NEK11: variants seen among roughly 807,000 people sequenced by gnomAD.
NEK11 encodes the protein serine/threonine-protein kinase Nek11.
In NEK11, 72 loss-of-function variants were observed where a neutral mutation model predicts 80.7. The ratio of observed to expected loss-of-function variants is 0.89; its 90% confidence interval spans 0.74 to 1.08. The LOEUF is 1.08. NEK11 is among the 50% of genes least tolerant of loss of function. The pLI, the probability that NEK11 is intolerant of heterozygous loss-of-function variation, is 0.00. For synonymous variants in NEK11, 251 were observed against 260.7 expected (o/e 0.96, Z 0.36); for missense variants, 764 against 763.6 (o/e 1.00, Z -0.01).
At chr3:131,066,484 A>G (rs910407632) in intron 3 of NEK11, among the ~76,000 whole-genome samples, 1 of 152,092 alleles carries the variant, frequency 6.6e-6, no homozygotes, top group Non-Finnish European at 1.5e-5. Flanking sequence ...CTTTGACTTC[A>G]TAAACTCAGA....
chr3:131,337,578 C>A (rs1388997799), intron 17 of NEK11, among the ~76,000 whole-genome samples: 2 of 151,624 alleles, frequency 1.3e-5, no homozygotes, highest in Non-Finnish European at 2.9e-5. Context: ...AACTAACCTG[C>A]ACATTGTGCA....
intron 5 of NEK11, among the ~76,000 whole-genome samples, chr3:131,125,353 C>G (rs1284079593): frequency 6.6e-6 from 1 of 152,108 alleles, no homozygotes; most frequent in Non-Finnish European, 1.5e-5. Context: ...CTTGTACTAT[C>G]ATTAATTCTA....
In NEK11 at chr3:131,055,679, A is replaced by G. The variant is rs115713350; in HGVS notation, c.171-24744A>G. 3.3e-3 allele frequency among the ~76,000 whole-genome samples: 507 copies of G among 152,326 alleles called. 1 individual carries two copies. The highest frequency in any genetic ancestry group is 0.012 in the African/African-American group (481 of 41,578). On this transcript the variant is annotated intron_variant, in intron 3 of 17. Transcript: ENST00000383366. ...CAGAAGTTTGAGGCTACAGCAAACT[A>G]TGATTGCACCACTGCGCTCCAACCC...
intron 17 of NEK11, among the ~76,000 whole-genome samples, chr3:131,323,183 T>C (rs2096914231): frequency 6.6e-6 from 1 of 152,126 alleles, no homozygotes; most frequent in Non-Finnish European, 1.5e-5. Flanking sequence ...AACCCCACCT[T>C]AACGAGGAAT....
intron 7 of NEK11, among the ~76,000 whole-genome samples, chr3:131,138,839 A>G (rs111449001): frequency 1.1e-3 from 172 of 152,304 alleles, no homozygotes; most frequent in African/African-American, 1.9e-3. Context: ...GGTGGCCCCA[A>G]TGCAGATGTA....
intron 17 of NEK11, among the ~76,000 whole-genome samples, chr3:131,331,656 C>T (rs909018495): frequency 1.3e-5 from 2 of 152,200 alleles, no homozygotes; most frequent in African/African-American, 2.4e-5. Context: ...GCAGGGCGAG[C>T]AAGGCATTGC....
chr3:131,123,725 T>C (rs1265317167), intron 5 of NEK11, among the ~76,000 whole-genome samples: 1 of 151,996 alleles, frequency 6.6e-6, no homozygotes, highest in Non-Finnish European at 1.5e-5. Flanking sequence ...AATGTTTTAC[T>C]TACTCCAAAG....
chr3:131,295,275 G>A lies in NEK11; in HGVS notation c.1718+21701G>A, dbSNP rs149492390. On this transcript the variant is annotated intron_variant, in intron 17 of 17. Coordinates refer to ENST00000383366, the MANE Select transcript of NEK11 (RefSeq NM_024800.5). ...CCCTTATCTGAAATGCTTAGGACCA[G>A]AAGTTGTTTCAGATTTGGGATTTTT... 1.9e-3 allele frequency among the ~76,000 whole-genome samples: 281 copies of A among 151,814 alleles called. 1 individual carries two copies. The highest frequency in any genetic ancestry group is 6.4e-3 in the African/African-American group (266 of 41,478).
intron 17 of NEK11, among the ~76,000 whole-genome samples, chr3:131,334,640 A>T (rs1193029844): frequency 1.3e-5 from 2 of 152,058 alleles, no homozygotes; most frequent in Non-Finnish European, 2.9e-5. Context: ...AAGGAAATAG[A>T]GACACAAAAA....
chr3:131,243,288 T>C (rs1361066841), intron 15 of NEK11, 148 bp from the exon 16 acceptor site: 2 of 627,372 alleles, frequency 3.2e-6, no homozygotes, highest in East Asian at 5.6e-5. Context: ...TACATAAAGT[T>C]ATTTTTCTTT....
intron 14 of NEK11, among the ~76,000 whole-genome samples, chr3:131,207,220 T>G (rs545812101): frequency 1.3e-5 from 2 of 152,326 alleles, no homozygotes; most frequent in East Asian, 3.9e-4. Context: ...TTTCTAGTTC[T>G]AGATCCTTGA....
At chr3:131,180,410 T>G (rs1161674458) in intron 14 of NEK11, among the ~76,000 whole-genome samples, 1 of 152,182 alleles carries the variant, frequency 6.6e-6, no homozygotes, top group Non-Finnish European at 1.5e-5. Flanking sequence ...AACAAATACC[T>G]TTATTCTTTT....
At chr3:131,108,280 G>T (rs1007152306) in intron 4 of NEK11, among the ~76,000 whole-genome samples, 7 of 152,080 alleles carry the variant, frequency 4.6e-5, no homozygotes, top group African/African-American at 1.7e-4. Context: ...CTTTTGGATT[G>T]TCTCATTGCC....
chr3:131,266,692 G>C (rs2096066029), intron 16 of NEK11, among the ~76,000 whole-genome samples: 1 of 152,188 alleles, frequency 6.6e-6, no homozygotes, highest in Non-Finnish European at 1.5e-5. Context: ...GTTGATTTCG[G>C]GTGGAGAGTT....
intron 5 of NEK11, among the ~76,000 whole-genome samples, chr3:131,119,989 A>G (rs1169165270): frequency 6.6e-6 from 1 of 152,124 alleles, no homozygotes; most frequent in Admixed American, 6.5e-5. Flanking sequence ...TTTATGGTTA[A>G]TATTGTTATG....
At chr3:131,088,003 A>G (rs1237019932) in intron 4 of NEK11, 1 of 152,234 alleles carries the variant, frequency 6.6e-6, no homozygotes, top group Non-Finnish European at 1.5e-5. Flanking sequence ...GCATCCACAC[A>G]TTGGGGCTGT....
At position 131,152,726 on chromosome 3, in the gene NEK11, G is replaced by A. The variant is rs200414683; in HGVS notation, c.876+17G>A. 2 of 1,559,070 alleles carry A rather than the reference G, an allele frequency of 1.3e-6. No homozygotes were observed. The highest frequency in any genetic ancestry group is 4.5e-5 in the East Asian group (2 of 44,572). On this transcript the variant is annotated intron_variant, in intron 9 of 17. Coordinates refer to ENST00000383366, the MANE Select transcript of NEK11 (RefSeq NM_024800.5). The stretch of plus-strand genomic sequence containing the variant: ...CAGCTACAGGTATTTAAAATGAAAG[G>A]GATTCTGGGAAACAGGTATGAGCAT...
chr3:131,113,289 GGA>G (rs137917685), intron 5 of NEK11, among the ~76,000 whole-genome samples: 3,813 of 152,018 alleles, frequency 0.025, 169 homozygotes, highest in African/African-American at 0.088. Flanking sequence ...AGGAGAGGGA[GGA>G]GAGAGAGAGA....
intron 14 of NEK11, among the ~76,000 whole-genome samples, chr3:131,188,808 C>T (rs988875768): frequency 1.3e-5 from 2 of 152,134 alleles, no homozygotes; most frequent in African/African-American, 2.4e-5. Context: ...AAGTTTTCCT[C>T]TACCCCAAAG....
Sources: allele counts gnomAD v4.1 joint callset (sites outside exome capture counted in the v4.1 genomes callset), GRCh38; gene constraint gnomAD v4.1.1; transcripts MANE v1.5; gene names NCBI Gene and HGNC (gene_info 2026-07-23, HGNC 2026-07-21).